Variants in FAAH2 observed in about 807,000 individuals in gnomAD.
The protein encoded by FAAH2 is fatty-acid amide hydrolase 2.
FAAH2 carries 60 observed loss-of-function variants against 36.9 expected under a neutral mutation model. That is an observed-to-expected ratio of 1.63 (90% CI 1.32 to 2.02). The LOEUF (loss-of-function observed/expected upper bound fraction) is 2.02, where lower values mean the gene tolerates loss of function less well. Among genes scored for constraint, FAAH2 ranks in the 30% most tolerant of loss-of-function variants. The probability of loss-of-function intolerance (pLI) is 0.00; values close to 1 mark genes in which losing one functional copy is unlikely to be tolerated. For missense variants in FAAH2, 689 were observed against 397.5 expected (o/e 1.73, Z -6.23); for synonymous variants, 214 against 143.8 (o/e 1.49, Z -3.49).
In FAAH2 at chrX:57,484,096, C is replaced by T. The variant is rs745323137; in HGVS notation, c.1424-4661C>T. Among the ~76,000 whole-genome samples the T allele has an allele frequency of 1.2e-3, 132 of 111,062 alleles. 1 individual carries two copies. Among genetic ancestry groups the T allele is most frequent in the Middle Eastern group, 9.2e-3 (2 of 218 alleles). Reference sequence around the variant, plus strand: ...CTGGGATTACAGACATGAGCCACTGCGCCCAGCCACTGGCAACTTTTTTAT... The same window carrying T: ...CTGGGATTACAGACATGAGCCACTGTGCCCAGCCACTGGCAACTTTTTTAT... On this transcript the variant is annotated intron_variant, in intron 10 of 10. Transcript: ENST00000374900.
rs1569284242 is a variant in FAAH2 at position 57,352,138 on chromosome X, GTATATATATGCA to G, written c.742+10749_742+10760del. Among the ~76,000 whole-genome samples, 54 of 39,666 alleles carry G rather than the reference GTATATATATGCA, an allele frequency of 1.4e-3. 1 individual carries two copies. The highest frequency in any genetic ancestry group is 4.8e-3 in the African/African-American group (51 of 10,596). 34.4% of individuals were successfully genotyped at this position (39,666 alleles called of 115,157 possible). On this transcript the variant is annotated intron_variant, in intron 5 of 10. Coordinates refer to ENST00000374900, the MANE Select transcript of FAAH2 (RefSeq NM_174912.4). ...TATATATGCACATATATATATATGT[GTATATATATGCA>G]CATATATATACACATATATATATAT... is the stretch of plus-strand genomic sequence containing the variant.
chrX:57,303,915 A>G (rs1351652273), intron 2 of FAAH2, among the ~76,000 whole-genome samples: 1 of 112,192 alleles, frequency 8.9e-6, no homozygotes, highest in Non-Finnish European at 1.9e-5. Flanking sequence ...TCAATTAAAA[A>G]TAACCTGCTG....
chrX:57,216,609 CGT>C, the FAAH2 span, among the ~76,000 whole-genome samples: 1 of 47,035 alleles, frequency 2.1e-5, no homozygotes, highest in African/African-American at 6.5e-5. Context: ...TATATATATA[CGT>C]ATATATATAT....
intron 5 of FAAH2, among the ~76,000 whole-genome samples, chrX:57,353,050 G>A (rs1274374968): frequency 9.1e-6 from 1 of 110,329 alleles, no homozygotes; most frequent in African/African-American, 3.3e-5. Context: ...TACAGATTCA[G>A]TGCAATTCCT....
chrX:57,284,216 G>A (rs895587512), upstream of FAAH2, among the ~76,000 whole-genome samples: 8 of 111,517 alleles, frequency 7.2e-5, no homozygotes, highest in Admixed American at 9.5e-5. Context: ...TGCCCGGGAA[G>A]AAAGCCTGCA....
At chrX:57,449,168 C>A (rs2056738918) in intron 10 of FAAH2, among the ~76,000 whole-genome samples, 1 of 112,162 alleles carries the variant, frequency 8.9e-6, no homozygotes, top group Non-Finnish European at 1.9e-5. Flanking sequence ...TCATTCTATT[C>A]ACCAAACTAA....
chrX:57,420,480 T>C (rs372573937), intron 7 of FAAH2, among the ~76,000 whole-genome samples: 51 of 111,743 alleles, frequency 4.6e-4, no homozygotes, highest in African/African-American at 1.4e-3. Context: ...CTCTTTGAAG[T>C]AATTGTGAAT....
intron 7 of FAAH2, among the ~76,000 whole-genome samples, chrX:57,390,109 T>G (rs754272370): frequency 8.9e-6 from 1 of 112,125 alleles, no homozygotes; most frequent in African/African-American, 3.2e-5. Context: ...AATATATGTT[T>G]TACAAATGTT....
intron 7 of FAAH2, among the ~76,000 whole-genome samples, chrX:57,389,853 AC>A (rs1441551862): frequency 1.8e-5 from 2 of 110,081 alleles, no homozygotes; most frequent in Non-Finnish European, 3.8e-5. Context: ...CCTCACCAAC[AC>A]TTACCTTTAA....
the FAAH2 span, among the ~76,000 whole-genome samples, chrX:57,263,064 T>C: frequency 9.0e-6 from 1 of 111,417 alleles, no homozygotes; most frequent in East Asian, 2.8e-4. Flanking sequence ...AAAATTTTTA[T>C]TCTCACCACT....
the FAAH2 span, among the ~76,000 whole-genome samples, chrX:57,248,439 T>C: frequency 2.7e-5 from 3 of 111,499 alleles, no homozygotes; most frequent in East Asian, 5.6e-4. Flanking sequence ...AGATAAAGAA[T>C]AGCAATTTTT....
intron 3 of FAAH2, among the ~76,000 whole-genome samples, chrX:57,318,395 G>C (rs960797385): frequency 9.0e-6 from 1 of 111,672 alleles, no homozygotes; most frequent in Admixed American, 9.5e-5. Flanking sequence ...ACACCTTTAC[G>C]CAAATAAACT....
At chrX:57,437,298 A>G (rs1345943433) in intron 8 of FAAH2, among the ~76,000 whole-genome samples, 1 of 111,049 alleles carries the variant, frequency 9.0e-6, no homozygotes, top group Non-Finnish European at 1.9e-5. Flanking sequence ...AGTTGAAAGC[A>G]TTTCCTCTAA....
the FAAH2 span, among the ~76,000 whole-genome samples, chrX:57,260,988 C>A: frequency 9.0e-6 from 1 of 111,627 alleles, no homozygotes; most frequent in Non-Finnish European, 1.9e-5. Context: ...ATTTTAGTAG[C>A]TATGTACAAA....
At chrX:57,176,479 C>T in the FAAH2 span, among the ~76,000 whole-genome samples, 1 of 99,307 alleles carries the variant, frequency 1.0e-5, no homozygotes, top group Non-Finnish European at 2.0e-5. Flanking sequence ...CACTCATATC[C>T]TGAATTGTTT....
At chrX:57,370,782 T>C (rs186319824) in intron 5 of FAAH2, among the ~76,000 whole-genome samples, 1 of 111,838 alleles carries the variant, frequency 8.9e-6, no homozygotes, top group African/African-American at 3.2e-5. Context: ...TTTTGTGAAC[T>C]GAGTATGCAG....
At chrX:57,375,073 C>A (rs2054638059) in intron 5 of FAAH2, among the ~76,000 whole-genome samples, 1 of 110,383 alleles carries the variant, frequency 9.1e-6, no homozygotes, top group Non-Finnish European at 1.9e-5. Context: ...ATGAAACTCA[C>A]TTGATCATGG....
At chrX:57,300,064 T>C in intron 2 of FAAH2, among the ~76,000 whole-genome samples, 1 of 111,777 alleles carries the variant, frequency 8.9e-6, no homozygotes, top group Non-Finnish European at 1.9e-5. Context: ...GCCATCCCCA[T>C]TAAGCTACAA....
At chrX:57,124,704 T>C in the FAAH2 span, among the ~76,000 whole-genome samples, 30 of 111,850 alleles carry the variant, frequency 2.7e-4, no homozygotes, top group African/African-American at 9.8e-4. Context: ...TAGTTCTCCT[T>C]GAAGAGGCCC....
Sources: allele counts gnomAD v4.1 joint callset (sites outside exome capture counted in the v4.1 genomes callset), GRCh38; gene constraint gnomAD v4.1.1; transcripts MANE v1.5; gene names NCBI Gene and HGNC (gene_info 2026-07-23, HGNC 2026-07-21).